The following PPP3CA variants were observed in gnomAD, a reference collection of about 807,000 sequenced individuals.
PPP3CA encodes the protein protein phosphatase 3 catalytic subunit alpha.
A neutral mutation model predicts 66.5 loss-of-function variants in PPP3CA; 14 were observed. The ratio of observed to expected loss-of-function variants is 0.21; its 90% CI spans 0.14 to 0.33. The LOEUF (loss-of-function observed/expected upper bound fraction) is 0.33, where lower values mean the gene tolerates loss of function less well. Ranked by LOEUF, PPP3CA falls within the 10% of genes least tolerant of loss-of-function variation. The pLI is 1.00. For synonymous variants in PPP3CA, 232 were observed against 226.2 expected, an observed-to-expected ratio of 1.03 and a Z score of -0.23; for missense variants, 317 against 639.5, an observed-to-expected ratio of 0.50 and a Z score of 5.44.
chr4:101,325,061 A>G (rs1020606721), intron 1 of PPP3CA, among the ~76,000 whole-genome samples: 1 of 152,072 alleles, frequency 6.6e-6, no homozygotes, highest in African/African-American at 2.4e-5. Flanking sequence ...AGAGAATCTA[A>G]TTTTTTTTAA....
chr4:101,048,210 C>T (rs1344200747), intron 10 of PPP3CA, among the ~76,000 whole-genome samples: 1 of 152,098 alleles, frequency 6.6e-6, no homozygotes, highest in Non-Finnish European at 1.5e-5. Context: ...GCGATAAGGC[C>T]TCCAGCCAAG....
Position 101,347,236 on chromosome 4 carries a change from C to T in PPP3CA, c.-440G>A, listed in dbSNP as rs117015016. 1,749 of 214,894 alleles carry T rather than the reference C, an allele frequency of 8.1e-3. 27 individuals are homozygous for T. The highest frequency in any genetic ancestry group is 0.03 in the African/African-American group (1,243 of 42,020). The allele number at this position is 214,894 out of a possible 1,614,324, so 13.3% of individuals were successfully genotyped here. ...TTAAGACCGATCACATGGGGAAGGCCGGGGGCGAGGGAGGAGAGGCAGGGC... is the reference window on the plus strand; with the variant it reads ...TTAAGACCGATCACATGGGGAAGGCTGGGGGCGAGGGAGGAGAGGCAGGGC... On this transcript the variant is annotated 5_prime_UTR_variant, in exon 1 of 14. Coordinates refer to ENST00000394854, the MANE Select transcript of PPP3CA (RefSeq NM_000944.5).
At chr4:101,099,352 A>G (rs1730341862) in intron 4 of PPP3CA, among the ~76,000 whole-genome samples, 1 of 152,126 alleles carries the variant, frequency 6.6e-6, no homozygotes, top group African/African-American at 2.4e-5. Flanking sequence ...GCATCCCTAA[A>G]TCACTTGTTT....
At chr4:101,029,246 T>A (rs1027100403) in intron 12 of PPP3CA, 51 bp from the exon 13 acceptor site, 2 of 1,518,428 alleles carry the variant, frequency 1.3e-6, no homozygotes, top group Non-Finnish European at 9.1e-7. Flanking sequence ...GAGCAGAGGA[T>A]TTTTTAACTC....
intron 1 of PPP3CA, among the ~76,000 whole-genome samples, chr4:101,212,617 A>C (rs1725331726): frequency 6.6e-6 from 1 of 152,114 alleles, no homozygotes; most frequent in Admixed American, 6.6e-5. Flanking sequence ...CCCTAAATTT[A>C]AAAGTTGAAG....
intron 1 of PPP3CA, among the ~76,000 whole-genome samples, chr4:101,336,059 A>G (rs1693651364): frequency 6.6e-6 from 1 of 151,556 alleles, no homozygotes; most frequent in Non-Finnish European, 1.5e-5. Flanking sequence ...ACACACACAC[A>G]CAAAAATTAG....
intron 2 of PPP3CA, among the ~76,000 whole-genome samples, chr4:101,192,255 A>G (rs939391956): frequency 6.6e-6 from 1 of 152,176 alleles, no homozygotes; most frequent in African/African-American, 2.4e-5. Flanking sequence ...TAATAAAAAT[A>G]GGATTAAATC....
chr4:101,257,840 A>G (rs945504509), intron 1 of PPP3CA, among the ~76,000 whole-genome samples: 3 of 152,154 alleles, frequency 2.0e-5, no homozygotes, highest in African/African-American at 7.2e-5. Context: ...TCTATCATCA[A>G]TGTGGACAAT....
chr4:101,188,683 C>G (rs561675948), intron 2 of PPP3CA, among the ~76,000 whole-genome samples: 3 of 152,076 alleles, frequency 2.0e-5, no homozygotes, highest in Admixed American at 2.0e-4. Flanking sequence ...TTCCCTACCT[C>G]CTCAACAGAC....
chr4:101,133,394 A>G (rs896280677), intron 2 of PPP3CA, among the ~76,000 whole-genome samples: 3 of 152,200 alleles, frequency 2.0e-5, no homozygotes, highest in African/African-American at 4.8e-5. Context: ...AAGCAACTTC[A>G]GCAAAGTCTC....
chr4:101,273,845 TA>T (rs1472938041), intron 1 of PPP3CA, among the ~76,000 whole-genome samples: 1 of 150,616 alleles, frequency 6.6e-6, no homozygotes, highest in African/African-American at 2.4e-5. Context: ...ACATTGCAAA[TA>T]AAAATAAAAT....
chr4:101,287,735 C>T (rs1727889643), intron 1 of PPP3CA, among the ~76,000 whole-genome samples: 1 of 150,538 alleles, frequency 6.6e-6, no homozygotes, highest in Admixed American at 6.6e-5. Context: ...AAAAAGGAAA[C>T]AAAATAGTAG....
At chr4:101,110,037 C>T (rs1246983927) in intron 2 of PPP3CA, among the ~76,000 whole-genome samples, 2 of 152,072 alleles carry the variant, frequency 1.3e-5, no homozygotes, top group Non-Finnish European at 2.9e-5. Context: ...AAAGCTTTTC[C>T]TGTCAGCCAC....
At chr4:101,027,311 T>C (rs1263399040) in intron 13 of PPP3CA, among the ~76,000 whole-genome samples, 1 of 151,772 alleles carries the variant, frequency 6.6e-6, no homozygotes, top group East Asian at 1.9e-4. Context: ...TACCAGCCAC[T>C]CCTACACAAA....
intron 2 of PPP3CA, among the ~76,000 whole-genome samples, chr4:101,173,607 C>T (rs2850979): frequency 0.72 from 109,227 of 151,996 alleles, 39,965 homozygotes; most frequent in South Asian, 0.81. Context: ...GGTCCCTCTG[C>T]AAGCATACAT....
intron 1 of PPP3CA, among the ~76,000 whole-genome samples, chr4:101,329,633 AGGC>A (rs1445671138): frequency 6.6e-6 from 1 of 152,128 alleles, no homozygotes; most frequent in East Asian, 1.9e-4. Flanking sequence ...TTCAAAGGAC[AGGC>A]TGACTCTCTT....
At chr4:101,168,051 T>G (rs1425689045) in intron 2 of PPP3CA, among the ~76,000 whole-genome samples, 1 of 151,882 alleles carries the variant, frequency 6.6e-6, no homozygotes, top group Non-Finnish European at 1.5e-5. Flanking sequence ...GACCACTGGG[T>G]TGAGAATGGG....
chr4:101,144,267 AC>A (rs1192252295), intron 2 of PPP3CA, among the ~76,000 whole-genome samples: 3 of 152,162 alleles, frequency 2.0e-5, no homozygotes, highest in African/African-American at 7.2e-5. Flanking sequence ...CTTACTAAAT[AC>A]CCTTTGGAAT....
chr4:101,091,386 C>A (rs1729933344), intron 6 of PPP3CA, among the ~76,000 whole-genome samples: 1 of 152,092 alleles, frequency 6.6e-6, no homozygotes, highest in Non-Finnish European at 1.5e-5. Flanking sequence ...AAATATTATA[C>A]CATGCGTCTT....
Sources: allele counts gnomAD v4.1 joint callset (sites outside exome capture counted in the v4.1 genomes callset), GRCh38; gene constraint gnomAD v4.1.1; transcripts MANE v1.5; gene names NCBI Gene and HGNC (gene_info 2026-07-23, HGNC 2026-07-21).